Variants in CAMTA1 observed in about 807,000 individuals in gnomAD.
CAMTA1 encodes calmodulin-binding transcription activator 1.
A neutral mutation model predicts 170.9 loss-of-function variants in CAMTA1; 27 were observed. The ratio of observed to expected loss-of-function variants is 0.16; its 90% CI spans 0.12 to 0.22. The LOEUF (loss-of-function observed/expected upper bound fraction) is 0.22. Ranked by LOEUF, CAMTA1 falls within the 10% of genes least tolerant of loss-of-function variation. CAMTA1 has a pLI of 1.00. For missense variants in CAMTA1, 1,619 were observed against 2,217.2 expected (o/e 0.73, Z 5.42); for synonymous variants, 833 against 891.5 (o/e 0.93, Z 1.17).
At chr1:7,242,598 T>C (rs887160895) in intron 4 of CAMTA1, among the ~76,000 whole-genome samples, 1 of 152,134 alleles carries the variant, frequency 6.6e-6, no homozygotes, top group Non-Finnish European at 1.5e-5. Flanking sequence ...GTATTTTCCA[T>C]GTGCCTTCTA....
At chr1:7,457,441 C>A (rs2092984555) in intron 5 of CAMTA1, among the ~76,000 whole-genome samples, 1 of 151,920 alleles carries the variant, frequency 6.6e-6, no homozygotes, top group Non-Finnish European at 1.5e-5. Flanking sequence ...TGGGTGGGGG[C>A]AGAGGCACGG....
At chr1:7,002,579 C>T (rs114690774) in intron 3 of CAMTA1, among the ~76,000 whole-genome samples, 1 of 152,218 alleles carries the variant, frequency 6.6e-6, no homozygotes, top group Admixed American at 6.5e-5. Flanking sequence ...AAATGACCGA[C>T]AAGACAGGGC....
chr1:7,315,702 G>C (rs951714484), intron 5 of CAMTA1, among the ~76,000 whole-genome samples: 2 of 152,202 alleles, frequency 1.3e-5, no homozygotes, highest in African/African-American at 4.8e-5. Context: ...AAATCAAAGC[G>C]TGGGCAGGGC....
intron 6 of CAMTA1, among the ~76,000 whole-genome samples, chr1:7,571,807 G>A (rs560625986): frequency 5.3e-4 from 81 of 152,286 alleles, no homozygotes; most frequent in Admixed American, 5.2e-4. Flanking sequence ...ATATGCATGC[G>A]TGTGTCTTTA....
chr1:7,331,283 G>A (rs541906575), intron 5 of CAMTA1, among the ~76,000 whole-genome samples: 1 of 152,124 alleles, frequency 6.6e-6, no homozygotes, highest in Non-Finnish European at 1.5e-5. Flanking sequence ...CCCCATGCCA[G>A]ACTTTCAGAG....
In CAMTA1 at chr1:7,299,336, G is replaced by A. The variant is rs1203489758; in HGVS notation, c.438+49710G>A. 6.6e-6 allele frequency among the ~76,000 whole-genome samples: 1 copy of A among 152,162 alleles called. No individual in the cohort carries two copies. The highest frequency in any genetic ancestry group is 2.4e-5 in the African/African-American group (1 of 41,440). The stretch of plus-strand genomic sequence containing the variant: ...ATCTGAGCCTCTGAGCAAGAGCTTC[G>A]CCTTTGACTCTGAAGCCAGTGCTGT... On this transcript the variant is annotated intron_variant, in intron 5 of 22. Transcript: ENST00000303635. The surrounding 1 kb of genome is among the most constrained non-coding windows in gnomAD (Gnocchi z 4.7).
intron 6 of CAMTA1, among the ~76,000 whole-genome samples, chr1:7,582,307 G>A (rs762472448): frequency 6.6e-6 from 1 of 152,176 alleles, no homozygotes; most frequent in Non-Finnish European, 1.5e-5. Flanking sequence ...TTACTGACCT[G>A]ATTTCCTAAA....
chr1:7,248,029 G>A lies in CAMTA1; in HGVS notation c.303-1462G>A, dbSNP rs1391211407. The stretch of plus-strand genomic sequence containing the variant: ...ATCGGGAAACAATGAAGTATCGGGA[G>A]TCGCTGTTGAAAGTCTGTAATTTCC... On this transcript the variant is annotated intron_variant, in intron 4 of 22. Coordinates refer to ENST00000303635, the MANE Select transcript of CAMTA1 (RefSeq NM_015215.4). This position sits in a 1 kb window ranked among gnomAD's most constrained non-coding sequence, Gnocchi z 4.0. 6.6e-6 allele frequency among the ~76,000 whole-genome samples: 1 copy of A among 152,170 alleles called. No homozygotes were observed. The highest frequency in any genetic ancestry group is 2.4e-5 in the African/African-American group (1 of 41,442).
At chr1:6,848,100 C>T (rs1658986891) in intron 3 of CAMTA1, among the ~76,000 whole-genome samples, 1 of 152,076 alleles carries the variant, frequency 6.6e-6, no homozygotes, top group Admixed American at 6.5e-5. Flanking sequence ...ACCCACCTCA[C>T]CAGTGTGCCA....
intron 7 of CAMTA1, among the ~76,000 whole-genome samples, chr1:7,654,655 T>C (rs371036476): frequency 2.8e-5 from 4 of 141,646 alleles, no homozygotes; most frequent in Admixed American, 6.9e-5. Flanking sequence ...CACACACCTA[T>C]ACACACACAC....
chr1:7,387,856 C>A (rs981786070), intron 5 of CAMTA1, among the ~76,000 whole-genome samples: 1 of 152,218 alleles, frequency 6.6e-6, no homozygotes, highest in African/African-American at 2.4e-5. Flanking sequence ...CACAATTGAT[C>A]TTTGCTTTGA....
chr1:7,560,197 G>GCACCTGTGTGGGATTCTGC (rs1553202454), intron 6 of CAMTA1, among the ~76,000 whole-genome samples: 1 of 152,194 alleles, frequency 6.6e-6, no homozygotes, highest in Non-Finnish European at 1.5e-5. Flanking sequence ...GGGCCCCCTG[G>GCACCTGTGTGGGATTCTGC]CACCTGTGTG....
chr1:7,153,840 T>C (rs1037906437), intron 4 of CAMTA1, among the ~76,000 whole-genome samples: 1 of 152,174 alleles, frequency 6.6e-6, no homozygotes, highest in Non-Finnish European at 1.5e-5. Flanking sequence ...TGAATGACAG[T>C]GGACATGCTG....
chr1:7,049,049 C>T (rs571045016), intron 3 of CAMTA1, among the ~76,000 whole-genome samples: 6 of 152,318 alleles, frequency 3.9e-5, no homozygotes, highest in East Asian at 1.9e-4. Flanking sequence ...TTCCCTGATA[C>T]GGTACATGAG....
At chr1:7,030,983 C>A (rs1307826173) in intron 3 of CAMTA1, among the ~76,000 whole-genome samples, 1 of 147,716 alleles carries the variant, frequency 6.8e-6, no homozygotes, top group Admixed American at 6.8e-5. Context: ...TACAGGCGCT[C>A]GCCACCATGC....
In CAMTA1 at chr1:7,299,641, C is replaced by A. The variant is rs1253012109; in HGVS notation, c.438+50015C>A. ...TCCACTTCCATCTCCTCCCTGGCCA[C>A]ATTCAGGCAGCAATGCCCCAACCCC... On this transcript the variant is annotated intron_variant, in intron 5 of 22. Transcript: ENST00000303635. The surrounding 1 kb of genome is among the most constrained non-coding windows in gnomAD (Gnocchi z 4.7). Among the ~76,000 whole-genome samples the A allele has an allele frequency of 6.6e-6, 1 of 152,206 alleles. No individual in the cohort carries two copies. The highest frequency in any genetic ancestry group is 2.4e-5 in the African/African-American group (1 of 41,444).
intron 4 of CAMTA1, among the ~76,000 whole-genome samples, chr1:7,160,910 A>C (rs4908602): frequency 1.3e-5 from 2 of 151,868 alleles, no homozygotes; most frequent in Non-Finnish European, 2.9e-5. Flanking sequence ...TGGTCCAGTC[A>C]TTCACCACTT....
chr1:7,595,772 G>A (rs145075469), intron 6 of CAMTA1, among the ~76,000 whole-genome samples: 18 of 152,334 alleles, frequency 1.2e-4, no homozygotes, highest in African/African-American at 4.3e-4. Flanking sequence ...AGGTTACAGA[G>A]CTCAAGAGAT....
intron 6 of CAMTA1, among the ~76,000 whole-genome samples, chr1:7,569,442 ATT>A (rs2095097642): frequency 6.6e-6 from 1 of 151,330 alleles, no homozygotes; most frequent in African/African-American, 2.4e-5. Context: ...CACCATCTCC[ATT>A]ATCATCACCA....
Sources: allele counts gnomAD v4.1 joint callset (sites outside exome capture counted in the v4.1 genomes callset), GRCh38; gene constraint gnomAD v4.1.1; non-coding constraint Gnocchi (gnomAD v3.1); transcripts MANE v1.5; gene names NCBI Gene and HGNC (gene_info 2026-07-23, HGNC 2026-07-21).